Variants in MAN2A1 observed in about 807,000 individuals in gnomAD.
The protein encoded by MAN2A1 is alpha-mannosidase 2.
A neutral mutation model predicts 142.6 loss-of-function variants in MAN2A1; 76 were observed. The ratio of observed to expected loss-of-function variants is 0.53; its 90% CI spans 0.44 to 0.65. The LOEUF is 0.65. MAN2A1 is among the 30% of genes least tolerant of loss of function. The pLI, the probability that MAN2A1 is intolerant of heterozygous loss-of-function variation, is 0.00. For missense variants in MAN2A1, 1,311 were observed against 1,365.1 expected (o/e 0.96, Z 0.62); for synonymous variants, 559 against 473.2 (o/e 1.18, Z -2.35).
chr5:109,773,650 C>T (rs1407409908), intron 7 of MAN2A1, among the ~76,000 whole-genome samples: 4 of 152,084 alleles, frequency 2.6e-5, no homozygotes, highest in Non-Finnish European at 5.9e-5. Context: ...ATATTTTACT[C>T]ACCAAGGTAT....
At chr5:109,832,964 G>A (rs1231082801) in intron 16 of MAN2A1, among the ~76,000 whole-genome samples, 43 of 151,832 alleles carry the variant, frequency 2.8e-4, no homozygotes, top group Non-Finnish European at 3.8e-4. Flanking sequence ...GGTGGCGGTC[G>A]GGCACAGACA....
intron 1 of MAN2A1, among the ~76,000 whole-genome samples, chr5:109,690,903 G>C (rs554079170): frequency 3.3e-5 from 5 of 152,178 alleles, no homozygotes; most frequent in Non-Finnish European, 7.4e-5. Context: ...CGGGGCCCGC[G>C]TATCCCGGTG....
At chr5:109,864,890 A>G in intron 20 of MAN2A1, 146 bp from the exon 21 acceptor site, 2 of 645,256 alleles carry the variant, frequency 3.1e-6, no homozygotes, top group South Asian at 1.8e-5. Context: ...GGCAGTGAGC[A>G]TGGACCTGAG....
At chr5:109,812,073 C>G (rs1754334280) in intron 12 of MAN2A1, among the ~76,000 whole-genome samples, 2 of 152,046 alleles carry the variant, frequency 1.3e-5, no homozygotes, top group South Asian at 4.2e-4. Flanking sequence ...CCATGAGAGT[C>G]TTGTAAGGGA....
chr5:109,807,694 G>A (rs949230700), intron 12 of MAN2A1, among the ~76,000 whole-genome samples: 1 of 151,996 alleles, frequency 6.6e-6, no homozygotes, highest in Admixed American at 6.6e-5. Flanking sequence ...TCCCCATACC[G>A]TGAGCTGTAA....
At chr5:109,816,762 A>G (rs1250326202) in intron 12 of MAN2A1, among the ~76,000 whole-genome samples, 1 of 152,188 alleles carries the variant, frequency 6.6e-6, no homozygotes, top group Non-Finnish European at 1.5e-5. Context: ...CCGTATTTAT[A>G]TAAGTCTTTT....
intron 1 of MAN2A1, among the ~76,000 whole-genome samples, chr5:109,703,403 C>T (rs1751043459): frequency 1.3e-5 from 2 of 152,144 alleles, no homozygotes; most frequent in Admixed American, 1.3e-4. Flanking sequence ...CCAACATAGA[C>T]CAGCAACCAT....
intron 19 of MAN2A1, chr5:109,854,241 T>C (rs1440816676): frequency 3.3e-5 from 5 of 152,202 alleles, no homozygotes; most frequent in African/African-American, 1.2e-4. Flanking sequence ...TTTTCTAAGT[T>C]ATTTGTGTCT....
chr5:109,838,144 A>G (rs527324489), intron 16 of MAN2A1, among the ~76,000 whole-genome samples: 2 of 152,058 alleles, frequency 1.3e-5, no homozygotes, highest in Admixed American at 1.3e-4. Context: ...GACCTTCTGA[A>G]GGACTCTTTT....
chr5:109,731,052 T>C (rs948604140), intron 4 of MAN2A1, among the ~76,000 whole-genome samples: 5 of 152,140 alleles, frequency 3.3e-5, no homozygotes, highest in Admixed American at 3.3e-4. Context: ...TGACGTTCCT[T>C]CTCATCTTTT....
intron 12 of MAN2A1, among the ~76,000 whole-genome samples, chr5:109,811,242 T>C (rs1754308745): frequency 6.6e-6 from 1 of 152,088 alleles, no homozygotes; most frequent in African/African-American, 2.4e-5. Context: ...CCATTTGTCT[T>C]GCTCATCTAT....
intron 12 of MAN2A1, among the ~76,000 whole-genome samples, chr5:109,798,777 G>T (rs1446359402): frequency 6.6e-6 from 1 of 152,068 alleles, no homozygotes; most frequent in Non-Finnish European, 1.5e-5. Flanking sequence ...CGCCTCCCAG[G>T]TTCACACCAT....
intron 1 of MAN2A1, among the ~76,000 whole-genome samples, chr5:109,703,185 C>G (rs1232149365): frequency 1.3e-5 from 2 of 152,214 alleles, no homozygotes; most frequent in Non-Finnish European, 2.9e-5. Context: ...AGGTTGATTA[C>G]TGACAATTAT....
chr5:109,842,355 C>T lies in MAN2A1; in HGVS notation c.2594C>T (p.Ser865Phe), dbSNP rs1340229470. 4.4e-6 allele frequency: 7 copies of T among 1,579,874 alleles called. No individual in the cohort carries two copies. Among genetic ancestry groups the T allele is most frequent in the African/African-American group, 1.4e-5 (1 of 73,546 alleles). ...ATAGAAGGACAGTCTGTGGAAGTTTCCAATATTGTGGACATCCGAAAAGTA... is the reference window on the plus strand; with the variant it reads ...ATAGAAGGACAGTCTGTGGAAGTTTTCAATATTGTGGACATCCGAAAAGTA... ...QGIEGQSVEV[S>F]NIVDIRKVYN... Residue 865 changes from serine to phenylalanine, a missense_variant, in exon 17 of 22, where the codon TCC (serine) becomes TTC (phenylalanine). By Grantham distance (155) the Ser-to-Phe change is radical (BLOSUM62 -2). Around this residue, in one of 3 missense-constraint regions of MAN2A1, gnomAD observed 890 missense variants for 920.5 expected, o/e 0.97. Transcript: ENST00000261483.
At chr5:109,828,591 G>A (rs1754821969) in intron 16 of MAN2A1, among the ~76,000 whole-genome samples, 1 of 152,198 alleles carries the variant, frequency 6.6e-6, no homozygotes, top group South Asian at 2.1e-4. Flanking sequence ...TGTGGGTAAC[G>A]AGTATGTCGT....
chr5:109,760,472 G>A (rs965579975), intron 5 of MAN2A1, among the ~76,000 whole-genome samples: 4 of 152,310 alleles, frequency 2.6e-5, no homozygotes, highest in African/African-American at 9.6e-5. Context: ...ATGGTTGAAT[G>A]ATTTATAATC....
rs182322654 is a variant in MAN2A1, at chr5:109,864,989, T to C, written c.3172-47T>C. ...AGTGGTGTGTGAAGTACCATAAATA[T>C]TTGCTTTATTGTCTGCGCGGTGTGA... On this transcript the variant is annotated intron_variant, in intron 20 of 21. Transcript: ENST00000261483. 1.4e-3 allele frequency: 1,751 copies of C among 1,244,860 alleles called. 7 individuals carry two copies. Among genetic ancestry groups the C allele is most frequent in the South Asian group, 2.4e-3 (203 of 83,508 alleles). The allele number at this position is 1,244,860 out of a possible 1,614,324, so 77.1% of individuals were successfully genotyped here.
chr5:109,765,317 A>C (rs1371820133), intron 5 of MAN2A1, among the ~76,000 whole-genome samples: 1 of 151,942 alleles, frequency 6.6e-6, no homozygotes, highest in Admixed American at 6.6e-5. Context: ...CTTTTGTAGA[A>C]GTCTCTCTAT....
intron 16 of MAN2A1, among the ~76,000 whole-genome samples, chr5:109,831,121 G>A (rs1156583871): frequency 6.6e-6 from 1 of 152,216 alleles, no homozygotes; most frequent in Non-Finnish European, 1.5e-5. Context: ...CTTAGCAGCT[G>A]TTTGACCTTG....
Sources: gnomAD v4.1 joint callset for allele counts (sites outside exome capture counted in the v4.1 genomes callset) on GRCh38, gnomAD v4.1.1 for gene constraint, gnomAD v4.1.1 regional missense constraint, MANE v1.5 for transcripts, NCBI Gene and HGNC (gene_info 2026-07-23, HGNC 2026-07-21) for gene names.